The following SLAIN2 variants were observed in gnomAD, a reference collection of about 807,000 sequenced individuals.
The protein encoded by SLAIN2 is SLAIN motif-containing protein 2.
Under a neutral mutation model 56.6 loss-of-function variants are expected in SLAIN2, and 31 were observed. The observed-to-expected ratio is 0.55, with a 90% CI of 0.41 to 0.74. SLAIN2 has a LOEUF of 0.74. Ranked by LOEUF, SLAIN2 falls within the 30% of genes least tolerant of loss-of-function variation. The pLI is 0.00. For synonymous variants in SLAIN2, 317 were observed against 284.9 expected (o/e 1.11, Z -1.13); for missense variants, 777 against 754.2 (o/e 1.03, Z -0.35).
Position 48,354,612 on chromosome 4 carries a change from A to G in SLAIN2, c.389+12484A>G, listed in dbSNP as rs540039549. ...CTCCCGAGTAGCTGGGATTACAGAC[A>G]CCCACCACCACATTCAGCTAATTTT... On this transcript the variant is annotated intron_variant, in intron 1 of 7. Coordinates refer to ENST00000264313, the MANE Select transcript of SLAIN2 (RefSeq NM_020846.2). 1.3e-4 allele frequency among the ~76,000 whole-genome samples: 19 copies of G among 151,750 alleles called. No individual in the cohort carries two copies. In the South Asian group the frequency reaches 3.5e-3, roughly 28 times the overall value.
chr4:48,360,584 T>G (rs1434894936), intron 1 of SLAIN2, among the ~76,000 whole-genome samples: 6 of 152,056 alleles, frequency 3.9e-5, no homozygotes, highest in African/African-American at 1.2e-4. Context: ...GAAGTGAGAC[T>G]CTGTCTCCAA....
intron 6 of SLAIN2, among the ~76,000 whole-genome samples, chr4:48,388,116 T>G (rs1716146603): frequency 6.6e-6 from 1 of 152,198 alleles, no homozygotes; most frequent in Non-Finnish European, 1.5e-5. Flanking sequence ...TATTTTTATA[T>G]GCTTATTTGC....
intron 1 of SLAIN2, among the ~76,000 whole-genome samples, chr4:48,348,385 G>A (rs1332464641): frequency 6.6e-6 from 1 of 152,058 alleles, no homozygotes; most frequent in Non-Finnish European, 1.5e-5. Flanking sequence ...CTATGTGGGA[G>A]CATAAGAAAC....
chr4:48,413,922 A>G (rs745637888), intron 6 of SLAIN2, among the ~76,000 whole-genome samples: 7 of 152,192 alleles, frequency 4.6e-5, no homozygotes, highest in Non-Finnish European at 7.4e-5. Flanking sequence ...TGTATAATTT[A>G]TTCAGTTTTT....
At chr4:48,376,814 G>A (rs1715827157) in intron 2 of SLAIN2, among the ~76,000 whole-genome samples, 1 of 150,612 alleles carries the variant, frequency 6.6e-6, no homozygotes, top group African/African-American at 2.4e-5. Context: ...TAGTAGAGAC[G>A]GGGTTTCACC....
chr4:48,383,059 T>A, intron 5 of SLAIN2, 132 bp downstream of exon 5: 1 of 952,306 alleles, frequency 1.1e-6, no homozygotes, highest in Non-Finnish European at 1.5e-6. Context: ...TCCTAGTGAC[T>A]TGAGAGGCTG....
At chr4:48,408,645 TTG>T (rs1716766552) in intron 6 of SLAIN2, among the ~76,000 whole-genome samples, 1 of 152,114 alleles carries the variant, frequency 6.6e-6, no homozygotes, top group African/African-American at 2.4e-5. Context: ...TACAACATGT[TTG>T]TGTTACAAGC....
rs563059378 is a variant in SLAIN2, at chr4:48,358,559, G to A, written c.390-11290G>A. ...TCGAACTCCTGACCTCAGGTGATCC[G>A]CCTGCCTCAGTCTCCCAGAGTGCTG... On this transcript the variant is annotated intron_variant, in intron 1 of 7. Coordinates refer to ENST00000264313, the MANE Select transcript of SLAIN2 (RefSeq NM_020846.2). Among the ~76,000 whole-genome samples the A allele has an allele frequency of 1.8e-4, 28 of 152,078 alleles. No individual in the cohort carries two copies. The South Asian group carries it at 4.0e-3, about 21-fold the overall frequency.
chr4:48,358,154 C>T (rs943218771), intron 1 of SLAIN2, among the ~76,000 whole-genome samples: 2 of 152,160 alleles, frequency 1.3e-5, no homozygotes, highest in African/African-American at 4.8e-5. Flanking sequence ...CCTCACTTGT[C>T]TCAGTGACCT....
chr4:48,384,437 G>A (rs561934007), intron 6 of SLAIN2, among the ~76,000 whole-genome samples: 1 of 152,240 alleles, frequency 6.6e-6, no homozygotes, highest in African/African-American at 2.4e-5. Context: ...GAATCAATAT[G>A]TATGCCAAAT....
At chr4:48,393,465 C>T (rs1560461040) in intron 6 of SLAIN2, among the ~76,000 whole-genome samples, 2 of 150,932 alleles carry the variant, frequency 1.3e-5, no homozygotes, top group East Asian at 3.9e-4. Context: ...TCTCAAACTC[C>T]TGGGCTCAAG....
At chr4:48,360,792 C>G (rs1715306791) in intron 1 of SLAIN2, among the ~76,000 whole-genome samples, 1 of 152,064 alleles carries the variant, frequency 6.6e-6, no homozygotes, top group African/African-American at 2.4e-5. Context: ...CTCATCTATC[C>G]CCAGGCAACC....
chr4:48,405,224 C>T (rs931062529), intron 6 of SLAIN2, among the ~76,000 whole-genome samples: 2 of 152,204 alleles, frequency 1.3e-5, no homozygotes, highest in African/African-American at 4.8e-5. Flanking sequence ...GCACCTCTGA[C>T]ATCGTCCACC....
chr4:48,342,857 C>T (rs1024392214), intron 1 of SLAIN2, among the ~76,000 whole-genome samples: 26 of 151,206 alleles, frequency 1.7e-4, no homozygotes, highest in Admixed American at 6.6e-5. Flanking sequence ...CTTTCATTTC[C>T]ACGTCCTTCT....
intron 6 of SLAIN2, chr4:48,394,610 C>T (rs1399267684): frequency 2.0e-6 from 3 of 1,535,940 alleles, no homozygotes; most frequent in Admixed American, 3.9e-5. Flanking sequence ...CTCGCACTTC[C>T]CTCAAAGCCA....
intron 1 of SLAIN2, among the ~76,000 whole-genome samples, chr4:48,349,477 A>G (rs1714954640): frequency 6.6e-6 from 1 of 152,212 alleles, no homozygotes; most frequent in African/African-American, 2.4e-5. Context: ...ATGATGAATT[A>G]AAGAAGAAAA....
chr4:48,378,119 C>T (rs1372524333), intron 3 of SLAIN2, 59 bp downstream of exon 3: 1 of 1,497,726 alleles, frequency 6.7e-7, no homozygotes, highest in African/African-American at 1.4e-5. Context: ...TGCACTGTAT[C>T]AGAAAATAAC....
chr4:48,364,716 C>T (rs929975125), intron 1 of SLAIN2, among the ~76,000 whole-genome samples: 3 of 134,126 alleles, frequency 2.2e-5, no homozygotes, highest in Non-Finnish European at 3.3e-5. Context: ...TCCACCAAAA[C>T]CAGTCAGGCG....
At chr4:48,388,549 ATTTATT>A (rs1324925436) in intron 6 of SLAIN2, among the ~76,000 whole-genome samples, 2 of 152,200 alleles carry the variant, frequency 1.3e-5, no homozygotes, top group Non-Finnish European at 2.9e-5. Flanking sequence ...ATCAGAAATC[ATTTATT>A]TTTATAGAAA....
Sources: allele counts gnomAD v4.1 joint callset (sites outside exome capture counted in the v4.1 genomes callset), GRCh38; gene constraint gnomAD v4.1.1; transcripts MANE v1.5; gene names NCBI Gene and HGNC (gene_info 2026-07-23, HGNC 2026-07-21).